CFAP97: variants seen among roughly 807,000 people sequenced by gnomAD.
The protein encoded by CFAP97 is cilia- and flagella-associated protein 97.
CFAP97 carries 36 observed loss-of-function variants against 43.1 expected under a neutral mutation model. The ratio of observed to expected loss-of-function variants is 0.84; its 90% confidence interval spans 0.64 to 1.10. The LOEUF (loss-of-function observed/expected upper bound fraction) is 1.10. Ranked by LOEUF, CFAP97 falls within the 50% of genes least tolerant of loss-of-function variation. The pLI is 0.00. For missense variants in CFAP97, 657 were observed against 620.3 expected (o/e 1.06, Z -0.63); for synonymous variants, 228 against 225.7 (o/e 1.01, Z -0.09).
In CFAP97 at chr4:185,191,301, A is replaced by G. The variant is rs939449202; in HGVS notation, c.-16-89T>C. 3.2e-6 allele frequency: 3 copies of G among 946,336 alleles called. No homozygotes were observed. In the Admixed American group the frequency reaches 1.0e-4, roughly 33 times the overall value. 58.6% of individuals were successfully genotyped at this position (946,336 alleles called of 1,614,324 possible). On this transcript the variant is annotated intron_variant, in intron 1 of 4. Transcript: ENST00000458385. ...ATAATTAAATAATTTTCCCAAACTG[A>G]CAAGTGTGTTTAATATATAAAAAGA...
upstream of CFAP97, among the ~76,000 whole-genome samples, chr4:185,207,076 C>G (rs866855547): frequency 1.4e-4 from 22 of 152,252 alleles, no homozygotes; most frequent in African/African-American, 5.1e-4. Context: ...TTGCCCACAT[C>G]AAGGGTGGAT....
intron 2 of CFAP97, among the ~76,000 whole-genome samples, chr4:185,184,388 TC>T (rs1375973729): frequency 6.6e-6 from 1 of 152,158 alleles, no homozygotes; most frequent in East Asian, 1.9e-4. Flanking sequence ...AACGACTGGT[TC>T]GGGAATGGGA....
intron 2 of CFAP97, chr4:185,182,266 C>A (rs1243354031): frequency 6.6e-6 from 1 of 151,820 alleles, no homozygotes; most frequent in Admixed American, 6.6e-5. Flanking sequence ...CTGTTTACTA[C>A]TCCATTTTTT....
rs547958392 is a variant in CFAP97, at chr4:185,162,601, C to T, written c.*197G>A. The T allele has an allele frequency of 5.1e-5, 30 of 583,280 alleles. No homozygotes were observed. The highest frequency in any genetic ancestry group is 8.4e-5 in the Non-Finnish European group (28 of 335,124). 36.1% of individuals were successfully genotyped at this position (583,280 alleles called of 1,614,324 possible). On this transcript the variant is annotated 3_prime_UTR_variant, in exon 5 of 5. Transcript: ENST00000458385. ...AGAACACATACATCTCATATAAATA[C>T]ATCCTCAGGAAACACTTTTTACATT...
chr4:185,161,928 G>A lies in CFAP97; in HGVS notation c.*870C>T, dbSNP rs183128202. On this transcript the variant is annotated 3_prime_UTR_variant, in exon 5 of 5. Coordinates refer to ENST00000458385, the MANE Select transcript of CFAP97 (RefSeq NM_020827.3). ...TACTGAATTACCTAAAACACTGTCC[G>A]ACACACCTCAGGATCTGCTTCTCGG... 67 of 152,168 alleles carry A rather than the reference G, an allele frequency of 4.4e-4. No homozygotes were observed. The highest frequency in any genetic ancestry group is 3.4e-3 in the Middle Eastern group (1 of 294). The allele number at this position is 152,168 out of a possible 1,614,324, so 9.4% of individuals were successfully genotyped here. A position where few individuals can be genotyped will look rare whatever the true frequency, so the allele number is the denominator to read the frequency against.
intron 2 of CFAP97, 40 bp downstream of exon 2, chr4:185,190,100 TATA>T (rs775673590): frequency 1.6e-5 from 23 of 1,407,440 alleles, no homozygotes; most frequent in Non-Finnish European, 2.1e-5. Context: ...ATGCCCAATA[TATA>T]ATATTTAAAC....
chr4:185,199,770 A>T (rs1579270742), intron 1 of CFAP97, among the ~76,000 whole-genome samples: 2 of 152,204 alleles, frequency 1.3e-5, no homozygotes, highest in African/African-American at 4.8e-5. Flanking sequence ...ATGACAGCAC[A>T]CCTATTTACA....
rs1389851929 is a variant in CFAP97, at chr4:185,162,735, T to C, written c.*63A>G. 1.1e-5 allele frequency: 17 copies of C among 1,521,030 alleles called. No individual in the cohort carries two copies. The highest frequency in any genetic ancestry group is 4.6e-5 in the East Asian group (2 of 43,776). The allele number at this position is 1,521,030 out of a possible 1,614,324, so 94.2% of individuals were successfully genotyped here. ...TTCTAGATGTTTACACAGAGAATTA[T>C]AGGAATATGCACGAGCACTTCAAGA... On this transcript the variant is annotated 3_prime_UTR_variant, in exon 5 of 5. Transcript: ENST00000458385.
intron 1 of CFAP97, among the ~76,000 whole-genome samples, chr4:185,196,250 G>C (rs1004347851): frequency 4.6e-5 from 7 of 152,138 alleles, no homozygotes; most frequent in Non-Finnish European, 8.8e-5. Flanking sequence ...GAGGTGGGCA[G>C]ATCACTTGAG....
chr4:185,171,472 C>T (rs1735300180), intron 3 of CFAP97, among the ~76,000 whole-genome samples: 2 of 152,214 alleles, frequency 1.3e-5, no homozygotes, highest in African/African-American at 4.8e-5. Flanking sequence ...CCTGATACTA[C>T]ATTCCTCTAG....
At position 185,160,498 on chromosome 4, in the gene CFAP97, C is replaced by A. The variant is rs987415243; in HGVS notation, c.*2300G>T. 1 of 152,070 alleles carries A rather than the reference C, an allele frequency of 6.6e-6. No homozygotes were observed. Among genetic ancestry groups the A allele is most frequent in the African/African-American group, 2.4e-5 (1 of 41,426 alleles). The allele number at this position is 152,070 out of a possible 1,614,324, so 9.4% of individuals were successfully genotyped here. A position where few individuals can be genotyped will look rare whatever the true frequency, so the allele number is the denominator to read the frequency against. On this transcript the variant is annotated 3_prime_UTR_variant, in exon 5 of 5. Coordinates refer to ENST00000458385, the MANE Select transcript of CFAP97 (RefSeq NM_020827.3). ...TTAAACTATAACAACTTCATAGCAT[C>A]TTGACTTAGAATATACCACATTTTC...
At chr4:185,168,296 CTTT>C (rs11372860) in intron 3 of CFAP97, among the ~76,000 whole-genome samples, 1 of 148,992 alleles carries the variant, frequency 6.7e-6, no homozygotes, top group Non-Finnish European at 1.5e-5. Context: ...AGTTTGCCCA[CTTT>C]TTTTTTTTCA....
upstream of CFAP97, chr4:185,204,263 G>C (rs1737086276): frequency 6.6e-6 from 1 of 152,246 alleles, no homozygotes; most frequent in Non-Finnish European, 1.5e-5. Context: ...AGGGCGGCGC[G>C]GGTAGGCCCC....
chr4:185,207,668 A>AT (rs1737246093), upstream of CFAP97: 1 of 152,208 alleles, frequency 6.6e-6, no homozygotes, highest in Admixed American at 6.5e-5. Context: ...GCTGGACCAC[A>AT]TGGAGTAACA....
At chr4:185,209,931 G>T (rs955567613), upstream of CFAP97, 9 of 983,632 alleles carry the variant, frequency 9.1e-6, no homozygotes, top group Non-Finnish European at 1.1e-5. This position sits in a 1 kb window ranked among gnomAD's most constrained non-coding sequence, Gnocchi z 5.2. Context: ...AGCGGCGGCC[G>T]GAGTCCCCGG....
Position 185,162,011 on chromosome 4 carries a change from T to C in CFAP97, c.*787A>G, listed in dbSNP as rs994862768. 2 of 152,258 alleles carry C rather than the reference T, an allele frequency of 1.3e-5. No homozygotes were observed. The highest frequency in any genetic ancestry group is 2.1e-4 in the South Asian group (1 of 4,836). 9.4% of individuals were successfully genotyped at this position (152,258 alleles called of 1,614,324 possible). On this transcript the variant is annotated 3_prime_UTR_variant, in exon 5 of 5. Transcript: ENST00000458385. ...CAACAAATACTTGGTTTGCAACTGA[T>C]GTGGTCCTTAAACTATTCACGAGTT... is the stretch of plus-strand genomic sequence containing the variant.
chr4:185,206,913 C>T (rs983287930), upstream of CFAP97, among the ~76,000 whole-genome samples: 2 of 152,136 alleles, frequency 1.3e-5, no homozygotes, highest in Non-Finnish European at 2.9e-5. Context: ...AGGCAGTAGG[C>T]CTGAGAACCC....
intron 3 of CFAP97, among the ~76,000 whole-genome samples, chr4:185,173,485 T>C (rs1206727500): frequency 1.3e-5 from 2 of 151,834 alleles, no homozygotes; most frequent in African/African-American, 4.8e-5. Flanking sequence ...CATGAACAGA[T>C]AGTTGCCAAT....
At chr4:185,172,203 T>C (rs919917672) in intron 3 of CFAP97, among the ~76,000 whole-genome samples, 3 of 152,246 alleles carry the variant, frequency 2.0e-5, no homozygotes, top group Non-Finnish European at 2.9e-5. Flanking sequence ...TTTCTCTGAA[T>C]TTAAAATTTG....
Sources: allele counts gnomAD v4.1 joint callset (sites outside exome capture counted in the v4.1 genomes callset), GRCh38; gene constraint gnomAD v4.1.1; non-coding constraint Gnocchi (gnomAD v3.1); transcripts MANE v1.5; gene names NCBI Gene and HGNC (gene_info 2026-07-23, HGNC 2026-07-21).